Variants in ATP13A4 observed in about 807,000 individuals in gnomAD.
The protein encoded by ATP13A4 is ATPase 13A4.
In ATP13A4, 114 loss-of-function variants were observed where a neutral mutation model predicts 142.5. The ratio of observed to expected loss-of-function variants is 0.80; its 90% CI spans 0.69 to 0.93. The LOEUF (loss-of-function observed/expected upper bound fraction) is 0.93. ATP13A4 is among the 40% of genes least tolerant of loss of function. The pLI is 0.00. For synonymous variants in ATP13A4, 488 were observed against 514.8 expected (o/e 0.95, Z 0.70); for missense variants, 1,392 against 1,454.0 (o/e 0.96, Z 0.69).
intron 3 of ATP13A4, 115 bp downstream of exon 3, chr3:193,502,378 A>T: frequency 7.8e-7 from 1 of 1,282,992 alleles, no homozygotes; most frequent in Non-Finnish European, 1.1e-6. Context: ...TTCACATTTT[A>T]AATATACACT....
chr3:193,462,943 A>G (rs9825186), intron 12 of ATP13A4, 120 bp from the exon 13 acceptor site: 439,176 of 982,318 alleles, frequency 0.45, 99,412 homozygotes, highest in African/African-American at 0.57. Flanking sequence ...TCAGGAGTTT[A>G]AGACCAGCCT....
intron 1 of ATP13A4, among the ~76,000 whole-genome samples, chr3:193,518,701 GA>G (rs1721560934): frequency 6.6e-6 from 1 of 152,206 alleles, no homozygotes; most frequent in African/African-American, 2.4e-5. Flanking sequence ...ATCTAATTGT[GA>G]GTACCTCAAG....
intron 16 of ATP13A4, among the ~76,000 whole-genome samples, chr3:193,456,392 A>G (rs543323013): frequency 7.2e-5 from 11 of 152,296 alleles, no homozygotes; most frequent in Non-Finnish European, 1.6e-4. Flanking sequence ...CTGAGGGAGA[A>G]TCATGAGCTT....
intron 23 of ATP13A4, 147 bp downstream of exon 23, chr3:193,438,328 G>A: frequency 1.4e-6 from 1 of 694,304 alleles, no homozygotes; most frequent in Admixed American, 2.1e-5. Context: ...AATCCATTTG[G>A]AAGTAGAATG....
chr3:193,549,755 C>T (rs1723440593), intron 1 of ATP13A4, among the ~76,000 whole-genome samples: 1 of 152,050 alleles, frequency 6.6e-6, no homozygotes, highest in African/African-American at 2.4e-5. Context: ...TCACCTGTGC[C>T]TGGGAGGTTG....
At chr3:193,525,559 T>C (rs1299256660) in intron 1 of ATP13A4, among the ~76,000 whole-genome samples, 2 of 152,156 alleles carry the variant, frequency 1.3e-5, no homozygotes, top group East Asian at 1.9e-4. Flanking sequence ...ACAACATCTA[T>C]AACAAATGCT....
At chr3:193,494,189 T>C (rs1340334774) in intron 3 of ATP13A4, among the ~76,000 whole-genome samples, 2 of 151,932 alleles carry the variant, frequency 1.3e-5, no homozygotes, top group Non-Finnish European at 1.5e-5. Flanking sequence ...GTAAAAAATT[T>C]CAACACCTCA....
intron 1 of ATP13A4, among the ~76,000 whole-genome samples, chr3:193,520,381 T>C (rs1721653929): frequency 6.6e-6 from 1 of 152,194 alleles, no homozygotes; most frequent in African/African-American, 2.4e-5. Flanking sequence ...CATTAGGAAA[T>C]GTTAAACTAG....
In ATP13A4 at chr3:193,441,592, C is replaced by T. The variant is rs377562531; in HGVS notation, c.2317-4G>A. On this transcript the variant is annotated splice_region_variant and splice_polypyrimidine_tract_variant and intron_variant, in intron 19 of 29. Transcript: ENST00000342695. ...CCCTGATGTTAATGTAATTGTCCTA[C>T]AAAGCAAGACACAGTTATTTTAGAC... is the stretch of plus-strand genomic sequence containing the variant. The T allele has an allele frequency of 3.7e-6, 6 of 1,612,754 alleles. No homozygotes were observed. In the African/African-American group the frequency reaches 8.0e-5, roughly 22 times the overall value.
chr3:193,512,089 A>T (rs1289499901), intron 2 of ATP13A4, among the ~76,000 whole-genome samples: 1 of 152,206 alleles, frequency 6.6e-6, no homozygotes, highest in Non-Finnish European at 1.5e-5. Flanking sequence ...CTGAGATCTG[A>T]AGAGCTTGCT....
chr3:193,439,211 A>T, intron 21 of ATP13A4, 146 bp from the exon 22 acceptor site: 2 of 805,160 alleles, frequency 2.5e-6, no homozygotes, highest in Non-Finnish European at 4.2e-6. Flanking sequence ...GACTGAAAAA[A>T]GTGTGATTCA....
At chr3:193,472,558 G>A (rs750959044) in intron 8 of ATP13A4, among the ~76,000 whole-genome samples, 1 of 152,198 alleles carries the variant, frequency 6.6e-6, no homozygotes. Flanking sequence ...TAGTAAGAAC[G>A]AATCAACTAT....
chr3:193,428,122 T>G (rs1426583703), intron 25 of ATP13A4, among the ~76,000 whole-genome samples: 1 of 152,068 alleles, frequency 6.6e-6, no homozygotes, highest in East Asian at 1.9e-4. Flanking sequence ...CATTAAAAAG[T>G]GGGCAAAGGA....
At chr3:193,512,998 C>A (rs892207390) in intron 2 of ATP13A4, among the ~76,000 whole-genome samples, 1 of 152,232 alleles carries the variant, frequency 6.6e-6, no homozygotes, top group Non-Finnish European at 1.5e-5. Context: ...TCCACAATAA[C>A]CTCTTGCTTC....
At chr3:193,561,350 G>A (rs1378284327) in intron 2 of ATP13A4, among the ~76,000 whole-genome samples, 1 of 152,198 alleles carries the variant, frequency 6.6e-6, no homozygotes, top group Non-Finnish European at 1.5e-5. Context: ...AAAGCGGCAA[G>A]GCTGGGGCTC....
intron 3 of ATP13A4, among the ~76,000 whole-genome samples, chr3:193,495,604 C>T (rs1422852286): frequency 6.6e-6 from 1 of 151,946 alleles, no homozygotes; most frequent in African/African-American, 2.4e-5. Context: ...AAAAGCCATG[C>T]AAATCAACAG....
intron 1 of ATP13A4, among the ~76,000 whole-genome samples, chr3:193,545,943 G>A (rs1723195681): frequency 6.6e-6 from 1 of 150,938 alleles, no homozygotes. Flanking sequence ...ATGTTTCACA[G>A]CGATTTTATC....
chr3:193,474,212 G>A (rs368553480), intron 8 of ATP13A4, among the ~76,000 whole-genome samples: 211 of 151,080 alleles, frequency 1.4e-3, no homozygotes, highest in African/African-American at 2.1e-3. Flanking sequence ...CCAGCTACTC[G>A]GGAGGCTGAG....
chr3:193,440,109 A>C (rs555601182), intron 21 of ATP13A4: 8 of 176,954 alleles, frequency 4.5e-5, no homozygotes, highest in Non-Finnish European at 9.7e-5. Flanking sequence ...GCTTTGGCAC[A>C]CAAGTATTTT....
Sources: allele counts gnomAD v4.1 joint callset (sites outside exome capture counted in the v4.1 genomes callset), GRCh38; gene constraint gnomAD v4.1.1; transcripts MANE v1.5; gene names NCBI Gene and HGNC (gene_info 2026-07-23, HGNC 2026-07-21).